USP34: variants seen among roughly 807,000 people sequenced by gnomAD.
The protein encoded by USP34 is ubiquitin specific peptidase 34, also known as ubiquitin carboxyl-terminal hydrolase 34.
Under a neutral mutation model 460.3 loss-of-function variants are expected in USP34, and 70 were observed. The observed-to-expected ratio is 0.15, with a 90% confidence interval of 0.13 to 0.19. The LOEUF (loss-of-function observed/expected upper bound fraction) is 0.19, where lower values mean the gene tolerates loss of function less well. USP34 is among the 10% of genes least tolerant of loss of function. The pLI, the probability that USP34 is intolerant of heterozygous loss-of-function variation, is 1.00. For missense variants in USP34, 3,985 were observed against 4,236.2 expected, an observed-to-expected ratio of 0.94 and a Z score of 1.65; for synonymous variants, 1,647 against 1,405.3, an observed-to-expected ratio of 1.17 and a Z score of -3.85.
intron 41 of USP34, among the ~76,000 whole-genome samples, chr2:61,270,445 T>G (rs1217732251): frequency 2.0e-5 from 3 of 152,192 alleles, no homozygotes; most frequent in Non-Finnish European, 4.4e-5. Flanking sequence ...ATATTTTATT[T>G]TATTTATTTT....
intron 10 of USP34, among the ~76,000 whole-genome samples, chr2:61,356,838 A>C (rs1424433376): frequency 6.6e-6 from 1 of 152,194 alleles, no homozygotes; most frequent in Non-Finnish European, 1.5e-5. Flanking sequence ...CACACTTAAA[A>C]ATGATTAAAG....
rs970565147 is a variant in USP34 at position 61,378,435 on chromosome 2, A to G, written c.1015-11T>C. ...GGTATGGAGTTGATTCTATGATTAA[A>G]GACAAGAAATTAAGGGTTTTTATTT... On this transcript the variant is annotated splice_polypyrimidine_tract_variant and intron_variant, in intron 7 of 79. Coordinates refer to ENST00000398571, the MANE Select transcript of USP34 (RefSeq NM_014709.4). 2 of 1,575,744 alleles carry G rather than the reference A, an allele frequency of 1.3e-6. No homozygotes were observed. Among genetic ancestry groups the G allele is most frequent in the Non-Finnish European group, 8.6e-7 (1 of 1,165,570 alleles).
chr2:61,374,654 G>A (rs1281257368), intron 8 of USP34, among the ~76,000 whole-genome samples: 2 of 151,434 alleles, frequency 1.3e-5, no homozygotes, highest in African/African-American at 2.4e-5. Context: ...CTGTTGCCCA[G>A]GCCGAAGTGC....
chr2:61,422,276 T>C (rs1694385640), intron 1 of USP34, among the ~76,000 whole-genome samples: 1 of 152,114 alleles, frequency 6.6e-6, no homozygotes, highest in Non-Finnish European at 1.5e-5. Flanking sequence ...GCCATAACAG[T>C]GCCTAAAAAC....
rs1273426893 is a variant in USP34, at chr2:61,457,802, CAT to C, written c.43+12846_43+12847del. 3.3e-5 allele frequency among the ~76,000 whole-genome samples: 5 copies of C among 152,258 alleles called. No individual in the cohort carries two copies. The East Asian group carries it at 9.6e-4, about 29-fold the overall frequency. On this transcript the variant is annotated intron_variant, in intron 1 of 79. Coordinates refer to ENST00000398571, the MANE Select transcript of USP34 (RefSeq NM_014709.4). ...GGTCAAGGCTGCAGTGAGCTAGGAT[CAT>C]ATCACTGTACTCCAGCCTGAGTGAC...
intron 1 of USP34, among the ~76,000 whole-genome samples, chr2:61,428,904 T>C (rs1308875426): frequency 1.3e-5 from 2 of 152,126 alleles, no homozygotes; most frequent in Non-Finnish European, 2.9e-5. Flanking sequence ...GCAGCCAGAA[T>C]TCACAGAATT....
At chr2:61,339,057 T>C (rs1691511033) in intron 18 of USP34, among the ~76,000 whole-genome samples, 1 of 152,086 alleles carries the variant, frequency 6.6e-6, no homozygotes. Context: ...GAAAACAGAG[T>C]AATCACCAAG....
At chr2:61,319,103 G>T in intron 22 of USP34, 70 bp downstream of exon 22, 1 of 1,410,430 alleles carries the variant, frequency 7.1e-7, no homozygotes, top group Non-Finnish European at 9.4e-7. Context: ...AGGCATTACA[G>T]AATTCGTATT....
intron 23 of USP34, 67 bp from the exon 24 acceptor site, chr2:61,315,041 G>A (rs1463885054): frequency 1.1e-5 from 13 of 1,189,394 alleles, no homozygotes; most frequent in Non-Finnish European, 3.6e-6. Context: ...TAAGACTGAA[G>A]TATCAAAAGT....
At chr2:61,421,669 A>G (rs1054055184) in intron 1 of USP34, among the ~76,000 whole-genome samples, 2 of 152,204 alleles carry the variant, frequency 1.3e-5, no homozygotes, top group African/African-American at 4.8e-5. Flanking sequence ...GGATCACTGT[A>G]TCACATTAAC....
intron 27 of USP34, among the ~76,000 whole-genome samples, chr2:61,306,789 G>T (rs1263088702): frequency 6.6e-6 from 1 of 152,062 alleles, no homozygotes; most frequent in Non-Finnish European, 1.5e-5. Flanking sequence ...CAGTTAGAAT[G>T]GCGATCATTA....
At chr2:61,212,179 C>T (rs192631454) in intron 68 of USP34, among the ~76,000 whole-genome samples, 175 of 152,092 alleles carry the variant, frequency 1.2e-3, no homozygotes, top group African/African-American at 4.2e-3. Context: ...TCGAGACCAG[C>T]CAGGGCAACA....
intron 48 of USP34, among the ~76,000 whole-genome samples, chr2:61,253,417 C>T (rs1031518740): frequency 6.6e-6 from 1 of 152,156 alleles, no homozygotes; most frequent in Admixed American, 6.6e-5. Context: ...TTATATACGT[C>T]CCTAACTCTT....
At chr2:61,222,445 G>A (rs771072501) in intron 65 of USP34, among the ~76,000 whole-genome samples, 174 bp downstream of exon 65, 12 of 152,064 alleles carry the variant, frequency 7.9e-5, no homozygotes, top group South Asian at 4.1e-4. Flanking sequence ...AATTATATTC[G>A]TAATAAGACA....
chr2:61,196,444 C>A (rs2103750224), intron 75 of USP34, among the ~76,000 whole-genome samples: 1 of 152,086 alleles, frequency 6.6e-6, no homozygotes, highest in East Asian at 1.9e-4. Context: ...AAGCTGATCT[C>A]CCATTCGTGA....
intron 1 of USP34, among the ~76,000 whole-genome samples, chr2:61,427,689 G>A (rs1007273406): frequency 1.3e-5 from 2 of 152,174 alleles, no homozygotes; most frequent in African/African-American, 4.8e-5. Context: ...AAACGCAATT[G>A]GCATACTAAA....
intron 67 of USP34, among the ~76,000 whole-genome samples, chr2:61,219,446 G>A (rs995760830): frequency 3.9e-5 from 6 of 152,184 alleles, no homozygotes; most frequent in East Asian, 1.9e-4. Flanking sequence ...AGAGGTGGGC[G>A]GATCACTTGA....
At chr2:61,271,133 AAAC>A (rs1005458074) in intron 41 of USP34, among the ~76,000 whole-genome samples, 14 of 152,154 alleles carry the variant, frequency 9.2e-5, no homozygotes, top group South Asian at 2.1e-4. Context: ...AAACAAAACA[AAAC>A]AACAACAACA....
intron 2 of USP34, among the ~76,000 whole-genome samples, chr2:61,419,956 A>T (rs1376434588): frequency 2.0e-5 from 3 of 152,212 alleles, no homozygotes; most frequent in Non-Finnish European, 4.4e-5. Context: ...TGCAACAAGT[A>T]TATCTGCCAA....
Sources: gnomAD v4.1 joint callset for allele counts (sites outside exome capture counted in the v4.1 genomes callset) on GRCh38, gnomAD v4.1.1 for gene constraint, MANE v1.5 for transcripts, NCBI Gene and HGNC (gene_info 2026-07-23, HGNC 2026-07-21) for gene names.